Variants in CHD9 observed in about 807,000 individuals in gnomAD.
The protein encoded by CHD9 is ATP-dependent chromatin remodeler CHD9.
CHD9 carries 77 observed loss-of-function variants against 316.1 expected under a neutral mutation model. That is an observed-to-expected ratio of 0.24 (90% confidence interval 0.20 to 0.29). CHD9 has a LOEUF of 0.29. Ranked by LOEUF, CHD9 falls within the 10% of genes least tolerant of loss-of-function variation. CHD9 has a pLI of 1.00. For synonymous variants in CHD9, 1,129 were observed against 1,158.3 expected (o/e 0.97, Z 0.51); for missense variants, 2,763 against 3,438.1 (o/e 0.80, Z 4.91).
chr16:53,081,041 C>T (rs546628073), intron 1 of CHD9, among the ~76,000 whole-genome samples: 50 of 152,350 alleles, frequency 3.3e-4, no homozygotes, highest in African/African-American at 1.2e-3. Flanking sequence ...TGTTTATTCC[C>T]TTCCTTCTCC....
intron 24 of CHD9, among the ~76,000 whole-genome samples, chr16:53,281,802 A>G (rs915274075): frequency 6.6e-6 from 1 of 152,160 alleles, no homozygotes; most frequent in African/African-American, 2.4e-5. Flanking sequence ...CCGCCCCTTC[A>G]GATTACTCGG....
intron 4 of CHD9, among the ~76,000 whole-genome samples, chr16:53,224,862 A>G (rs1443213883): frequency 6.6e-6 from 1 of 152,150 alleles, no homozygotes; most frequent in Non-Finnish European, 1.5e-5. Flanking sequence ...CTAGAGAATA[A>G]TAGTAATTCA....
At chr16:53,150,163 G>C (rs935049484) in intron 1 of CHD9, among the ~76,000 whole-genome samples, 1 of 147,764 alleles carries the variant, frequency 6.8e-6, no homozygotes, top group Non-Finnish European at 1.5e-5. Flanking sequence ...TTAATGTCTT[G>C]TATGCTCTTT....
chr16:53,306,188 A>G (rs190542410), intron 31 of CHD9, 49 bp from the exon 32 acceptor site: 4 of 1,139,472 alleles, frequency 3.5e-6, no homozygotes, highest in Non-Finnish European at 4.7e-6. Flanking sequence ...TATATATAAA[A>G]CTATTTTATG....
chr16:53,137,472 T>G (rs533137128), intron 1 of CHD9, among the ~76,000 whole-genome samples: 4 of 152,336 alleles, frequency 2.6e-5, no homozygotes, highest in African/African-American at 9.6e-5. Context: ...TAGAAATATG[T>G]ATGTTCAACT....
rs572253298 is a variant in CHD9 at position 53,098,812 on chromosome 16, G to C, written c.-165+43735G>C. ...TGTAACAAGCCCTTAACCCCTGGCTGTTATTCTTATTTCCAAACTGGGGTG... is the reference window on the plus strand; with the variant it reads ...TGTAACAAGCCCTTAACCCCTGGCTCTTATTCTTATTTCCAAACTGGGGTG... On this transcript the variant is annotated intron_variant, in intron 1 of 38. Coordinates refer to ENST00000447540, the MANE Select transcript of CHD9 (RefSeq NM_001308319.2). Among the ~76,000 whole-genome samples the C allele has an allele frequency of 3.3e-5, 5 of 152,296 alleles. No individual in the cohort carries two copies. The South Asian group carries it at 1.0e-3, about 32-fold the overall frequency.
At chr16:53,212,279 C>T (rs977182607) in intron 3 of CHD9, among the ~76,000 whole-genome samples, 1 of 151,884 alleles carries the variant, frequency 6.6e-6, no homozygotes, top group African/African-American at 2.4e-5. Flanking sequence ...GTGGTGGGCA[C>T]CTGTAGTGCC....
intron 2 of CHD9, among the ~76,000 whole-genome samples, chr16:53,177,998 T>C (rs1395035793): frequency 6.6e-6 from 1 of 152,216 alleles, no homozygotes. Context: ...GGCCTAAGCA[T>C]GCACATACTG....
intron 1 of CHD9, among the ~76,000 whole-genome samples, chr16:53,056,779 G>T (rs572309921): frequency 7.2e-5 from 11 of 152,326 alleles, no homozygotes; most frequent in Admixed American, 2.6e-4. Context: ...CCAGATGCTA[G>T]AGATAAAATA....
chr16:53,121,456 A>T, intron 1 of CHD9: 1 of 456,046 alleles, frequency 2.2e-6, no homozygotes, highest in Non-Finnish European at 4.4e-6. Flanking sequence ...TTATAAAAGC[A>T]GAACAGTGTT....
At chr16:53,239,190 G>C (rs1469163900) in intron 12 of CHD9, among the ~76,000 whole-genome samples, 3 of 152,010 alleles carry the variant, frequency 2.0e-5, no homozygotes, top group African/African-American at 7.2e-5. Context: ...ATTTTACTTT[G>C]ACCACTTACT....
At chr16:53,177,632 A>G (rs936209377) in intron 2 of CHD9, among the ~76,000 whole-genome samples, 2 of 152,160 alleles carry the variant, frequency 1.3e-5, no homozygotes, top group African/African-American at 4.8e-5. Flanking sequence ...TTGTTATTAC[A>G]TAACTATTTC....
At chr16:53,139,091 C>T (rs1463159903) in intron 1 of CHD9, among the ~76,000 whole-genome samples, 3 of 151,906 alleles carry the variant, frequency 2.0e-5, no homozygotes, top group Non-Finnish European at 4.4e-5. Context: ...GTTTTCTTCT[C>T]TTAAGAATAG....
chr16:53,238,667 T>G, intron 12 of CHD9, 81 bp downstream of exon 12: 2 of 1,386,272 alleles, frequency 1.4e-6, no homozygotes, highest in Non-Finnish European at 2.0e-6. Flanking sequence ...TATTTTCAAA[T>G]TTAGGATACA....
chr16:53,244,791 C>T (rs932687268), intron 13 of CHD9, among the ~76,000 whole-genome samples: 1 of 151,922 alleles, frequency 6.6e-6, no homozygotes, highest in Non-Finnish European at 1.5e-5. Context: ...AAAGTACATT[C>T]CTAAAGATTT....
intron 1 of CHD9, among the ~76,000 whole-genome samples, chr16:53,105,073 C>T (rs1381698286): frequency 6.6e-6 from 1 of 152,086 alleles, no homozygotes; most frequent in African/African-American, 2.4e-5. Flanking sequence ...GAACTATTGT[C>T]CTCGAGCAAT....
intron 1 of CHD9, among the ~76,000 whole-genome samples, chr16:53,139,893 T>C (rs1020589175): frequency 1.3e-5 from 2 of 151,504 alleles, no homozygotes; most frequent in African/African-American, 4.9e-5. Flanking sequence ...AGCCCAGGGG[T>C]TCCACACCAG....
intron 3 of CHD9, among the ~76,000 whole-genome samples, chr16:53,218,434 T>C (rs1391169442): frequency 1.3e-5 from 2 of 152,188 alleles, no homozygotes; most frequent in Non-Finnish European, 2.9e-5. Flanking sequence ...TTAAGATTTA[T>C]TTGGTAGTTA....
At chr16:53,099,390 A>C (rs963839303) in intron 1 of CHD9, 1 of 152,046 alleles carries the variant, frequency 6.6e-6, no homozygotes, top group Non-Finnish European at 1.5e-5. Context: ...GGGTCGATGG[A>C]GTCTGGAGTG....
Sources: allele counts gnomAD v4.1 joint callset (sites outside exome capture counted in the v4.1 genomes callset), GRCh38; gene constraint gnomAD v4.1.1; transcripts MANE v1.5; gene names NCBI Gene and HGNC (gene_info 2026-07-23, HGNC 2026-07-21).